GATA4: variants seen among roughly 807,000 people sequenced by gnomAD.
GATA4 encodes the protein transcription factor GATA-4.
A neutral mutation model predicts 37.9 loss-of-function variants in GATA4; 7 were observed. The ratio of observed to expected loss-of-function variants is 0.18; its 90% CI spans 0.11 to 0.35. The LOEUF (loss-of-function observed/expected upper bound fraction) is 0.35. Ranked by LOEUF, GATA4 falls within the 10% of genes least tolerant of loss-of-function variation. The pLI, the probability that GATA4 is intolerant of heterozygous loss-of-function variation, is 1.00. For synonymous variants in GATA4, 372 were observed against 292.6 expected, an observed-to-expected ratio of 1.27 and a Z score of -2.77; for missense variants, 647 against 653.0, an observed-to-expected ratio of 0.99 and a Z score of 0.10.
At chr8:11,699,708 C>T (rs931667670), upstream of GATA4, among the ~76,000 whole-genome samples, 8 of 152,264 alleles carry the variant, frequency 5.3e-5, no homozygotes, top group Admixed American at 2.0e-4. Flanking sequence ...GCCTCAGCTA[C>T]GCTGGACCTG....
upstream of GATA4, chr8:11,692,582 G>C (rs1040159832): frequency 8.1e-6 from 8 of 985,214 alleles, no homozygotes; most frequent in Non-Finnish European, 9.6e-6. Flanking sequence ...CCGCCTGGGA[G>C]GGCGTGGCCC....
chr8:11,710,824 G>A (rs1212056969), intron 2 of GATA4, among the ~76,000 whole-genome samples: 2 of 151,986 alleles, frequency 1.3e-5, no homozygotes, highest in Non-Finnish European at 1.5e-5. Flanking sequence ...ATCCAGCAGT[G>A]TAAAAACGAA....
chr8:11,693,984 G>A (rs547356369), intron 1 of GATA4, among the ~76,000 whole-genome samples: 1 of 152,156 alleles, frequency 6.6e-6, no homozygotes, highest in African/African-American at 2.4e-5. Context: ...AAAGAGAGGG[G>A]GGAACACCTC....
intron 2 of GATA4, among the ~76,000 whole-genome samples, chr8:11,739,753 CTTCTGTCGTGTGCGGAGGAGT>C (rs888242317): frequency 6.4e-5 from 5 of 78,148 alleles, no homozygotes; most frequent in African/African-American, 2.3e-4. Flanking sequence ...GTGTGCGGAG[CTTCTGTCGTGTGCGGAGGAGT>C]TTCTGTCGTG....
At position 11,733,784 on chromosome 8, in the gene GATA4, G is replaced by C. The variant is rs1317669133; in HGVS notation, c.617-15132G>C. ...ACTGCTCTGTTCTTTCCTGTACTGAGGGAGCCCATTTCTGGTGAGGATTAT... is the reference window on the plus strand; with the variant it reads ...ACTGCTCTGTTCTTTCCTGTACTGACGGAGCCCATTTCTGGTGAGGATTAT... On this transcript the variant is annotated intron_variant, in intron 2 of 6. Transcript: ENST00000532059. 5.9e-5 allele frequency among the ~76,000 whole-genome samples: 9 copies of C among 152,310 alleles called. No individual in the cohort carries two copies. The South Asian group carries it at 1.4e-3, about 25-fold the overall frequency.
chr8:11,692,013 G>A, upstream of GATA4: 1 of 985,330 alleles, frequency 1.0e-6, no homozygotes, highest in Non-Finnish European at 1.2e-6. Context: ...AGACTGCTTC[G>A]CAGGGGATCT....
In GATA4 at chr8:11,708,170, T is replaced by C; in HGVS notation, c.-143T>C. ...AATACGTATATATTTTTAAGCGAGT[T>C]GGTTTTTTCCCCTTTGATTTTTGAT... is the stretch of plus-strand genomic sequence containing the variant. On this transcript the variant is annotated 5_prime_UTR_variant, in exon 2 of 7. Transcript: ENST00000532059. The surrounding 1 kb of genome is among the most constrained non-coding windows in gnomAD (Gnocchi z 6.7). 1.1e-6 allele frequency: 1 copy of C among 893,866 alleles called. No individual in the cohort carries two copies. Among genetic ancestry groups the C allele is most frequent in the Non-Finnish European group, 1.8e-6 (1 of 563,226 alleles). The allele number at this position is 893,866 out of a possible 1,614,324, so 55.4% of individuals were successfully genotyped here.
In GATA4 at chr8:11,708,402, G is replaced by C. The variant is rs768982638; in HGVS notation, c.90G>C (p.Ala30=). Residue 30 remains alanine, a synonymous_variant, in exon 2 of 7, where the codon GCG becomes GCC. Coordinates refer to ENST00000532059, the MANE Select transcript of GATA4 (RefSeq NM_001308093.3). The surrounding 1 kb of genome is among the most constrained non-coding windows in gnomAD (Gnocchi z 6.7). ...AGGPGAFMHG[A]GAASSPVYVP... ...GCCCCGGCGCCTTCATGCACGGCGC[G>C]GGCGCCGCGTCCTCGCCAGTCTACG... 1.9e-6 allele frequency: 3 copies of C among 1,541,498 alleles called. No homozygotes were observed. The highest frequency in any genetic ancestry group is 2.2e-4 in the Middle Eastern group (1 of 4,572).
intron 1 of GATA4, among the ~76,000 whole-genome samples, chr8:11,685,187 T>C (rs1799099422): frequency 6.6e-6 from 1 of 152,198 alleles, no homozygotes; most frequent in Non-Finnish European, 1.5e-5. Flanking sequence ...GATCATTAAA[T>C]TATGTTTTCT....
At chr8:11,735,937 G>A (rs1585655022) in intron 2 of GATA4, among the ~76,000 whole-genome samples, 1 of 152,054 alleles carries the variant, frequency 6.6e-6, no homozygotes, top group Non-Finnish European at 1.5e-5. Flanking sequence ...TTGAGATAGG[G>A]TTTTGCTTTG....
In GATA4 at chr8:11,708,630, G is replaced by T; in HGVS notation, c.318G>T (p.Pro106=). Residue 106 remains proline (P), a synonymous_variant, in exon 2 of 7, where the codon CCG becomes CCT. Transcript: ENST00000532059. The surrounding 1 kb of genome is among the most constrained non-coding windows in gnomAD (Gnocchi z 6.7). ...CTTACACCCCGCCGCCGGTGTCGCC[G>T]CGCTTCTCCTTCCCGGGGACCACCG... is the stretch of plus-strand genomic sequence containing the variant. ...GAAYTPPPVS[P]RFSFPGTTGS... is the part of the protein sequence containing the mutation. The T allele has an allele frequency of 7.5e-7, 1 of 1,338,742 alleles. No individual in the cohort carries two copies. The highest frequency in any genetic ancestry group is 9.6e-7 in the Non-Finnish European group (1 of 1,046,474). 82.9% of individuals were successfully genotyped at this position (1,338,742 alleles called of 1,614,324 possible). A position where few individuals can be genotyped will look rare whatever the true frequency, so the allele number is the denominator to read the frequency against.
intron 1 of GATA4, among the ~76,000 whole-genome samples, chr8:11,699,018 A>G (rs1299149429): frequency 6.6e-6 from 1 of 152,210 alleles, no homozygotes; most frequent in Non-Finnish European, 1.5e-5. Flanking sequence ...ATCTCCGAGC[A>G]ACTTTGATGG....
At chr8:11,739,001 A>C (rs1356695348) in intron 2 of GATA4, among the ~76,000 whole-genome samples, 1 of 152,162 alleles carries the variant, frequency 6.6e-6, no homozygotes, top group African/African-American at 2.4e-5. Flanking sequence ...GAGTGGGAGG[A>C]ACAGTTGGTG....
At chr8:11,680,637 C>T in intron 1 of GATA4, 3 of 985,358 alleles carry the variant, frequency 3.0e-6, no homozygotes. Flanking sequence ...CCACGCCTGG[C>T]GCTGCTGGGA....
chr8:11,699,113 C>A (rs1030859650), intron 1 of GATA4, among the ~76,000 whole-genome samples: 1 of 152,188 alleles, frequency 6.6e-6, no homozygotes, highest in Non-Finnish European at 1.5e-5. Flanking sequence ...TTGGGCAGAC[C>A]AGGATTTTGA....
At chr8:11,677,863 C>T (rs1481728060) in intron 1 of GATA4, among the ~76,000 whole-genome samples, 1 of 151,998 alleles carries the variant, frequency 6.6e-6, no homozygotes, top group African/African-American at 2.4e-5. Context: ...TCCCCAGGCC[C>T]ACTGCGTGCG....
chr8:11,693,044 G>A (rs1345223406), intron 1 of GATA4: 1 of 985,418 alleles, frequency 1.0e-6, no homozygotes, highest in South Asian at 4.7e-5. Context: ...CGGGGCCTCT[G>A]CGTGGAGTGG....
chr8:11,731,948 C>T (rs958721108), intron 2 of GATA4, among the ~76,000 whole-genome samples: 1 of 152,182 alleles, frequency 6.6e-6, no homozygotes, highest in African/African-American at 2.4e-5. Flanking sequence ...CAGTGTTTCT[C>T]TTTGCCCAAG....
At chr8:11,755,395 C>G (rs1391183709) in intron 5 of GATA4, among the ~76,000 whole-genome samples, 4 of 152,222 alleles carry the variant, frequency 2.6e-5, no homozygotes, top group African/African-American at 9.6e-5. Context: ...AGTGCTCAGG[C>G]TGGACCAGCC....
Sources: gnomAD v4.1 joint callset for allele counts (sites outside exome capture counted in the v4.1 genomes callset) on GRCh38, gnomAD v4.1.1 for gene constraint, Gnocchi (gnomAD v3.1) non-coding constraint, MANE v1.5 for transcripts, NCBI Gene and HGNC (gene_info 2026-07-23, HGNC 2026-07-21) for gene names.